Variants in PRKN observed in about 807,000 individuals in gnomAD.
PRKN encodes parkin RBR E3 ubiquitin protein ligase, also known as E3 ubiquitin-protein ligase parkin.
Under a neutral mutation model 59.5 loss-of-function variants are expected in PRKN, and 56 were observed. The ratio of observed to expected loss-of-function variants is 0.94; its 90% CI spans 0.76 to 1.18. The LOEUF (loss-of-function observed/expected upper bound fraction) is 1.18. Ranked by LOEUF, PRKN falls within the 50% of genes most tolerant of loss-of-function variation. The probability of loss-of-function intolerance (pLI) is 0.00; values close to 1 mark genes in which losing one functional copy is unlikely to be tolerated. For synonymous variants in PRKN, 250 were observed against 222.1 expected (o/e 1.13, Z -1.12); for missense variants, 657 against 596.4 (o/e 1.10, Z -1.06).
chr6:161,750,044 C>T (rs1334012687), intron 7 of PRKN, among the ~76,000 whole-genome samples: 1 of 151,414 alleles, frequency 6.6e-6, no homozygotes, highest in East Asian at 1.9e-4. Context: ...AGCAATACCA[C>T]TTGACTGGAT....
intron 6 of PRKN, among the ~76,000 whole-genome samples, chr6:161,820,130 C>CT (rs928338893): frequency 4.6e-5 from 7 of 152,082 alleles, no homozygotes; most frequent in East Asian, 3.9e-4. Context: ...GTAATTTAAA[C>CT]TTTTTTACCA....
chr6:162,244,495 T>C (rs1023852027), intron 3 of PRKN, among the ~76,000 whole-genome samples: 11 of 152,216 alleles, frequency 7.2e-5, no homozygotes, highest in South Asian at 4.1e-4. Context: ...AATTATTATA[T>C]AAAGTTTCTC....
chr6:162,444,200 A>C (rs984171471), intron 1 of PRKN, among the ~76,000 whole-genome samples: 5 of 151,586 alleles, frequency 3.3e-5, no homozygotes, highest in Admixed American at 6.6e-5. Flanking sequence ...TTTACTTTCC[A>C]TTCTTTCTCT....
chr6:161,716,988 A>G (rs1583047214), intron 7 of PRKN, among the ~76,000 whole-genome samples: 1 of 152,188 alleles, frequency 6.6e-6, no homozygotes, highest in Non-Finnish European at 1.5e-5. Context: ...TAACACGGGC[A>G]TGTGTTCTAA....
intron 6 of PRKN, among the ~76,000 whole-genome samples, chr6:161,864,630 T>TTTTG (rs201742637): frequency 2.0e-5 from 3 of 151,902 alleles, no homozygotes; most frequent in African/African-American, 4.8e-5. Context: ...CAAAAGGTGT[T>TTTTG]TTTGTTTGTT....
chr6:161,656,815 A>G (rs1022019417), intron 7 of PRKN, among the ~76,000 whole-genome samples: 4 of 152,132 alleles, frequency 2.6e-5, no homozygotes, highest in Non-Finnish European at 2.9e-5. Context: ...ATTTGTTCTC[A>G]TGTTTATTGT....
At chr6:162,515,734 T>G (rs1192343778) in intron 1 of PRKN, among the ~76,000 whole-genome samples, 1 of 152,160 alleles carries the variant, frequency 6.6e-6, no homozygotes, top group Non-Finnish European at 1.5e-5. Flanking sequence ...TCTCTAATTA[T>G]GTCTAAATGT....
intron 1 of PRKN, among the ~76,000 whole-genome samples, chr6:162,515,396 A>G (rs973326523): frequency 2.0e-5 from 3 of 151,772 alleles, no homozygotes; most frequent in Non-Finnish European, 4.4e-5. Context: ...ACTTATTGTT[A>G]CTTCTAATGG....
chr6:162,377,286 C>T (rs542820076), intron 2 of PRKN, among the ~76,000 whole-genome samples: 1 of 152,288 alleles, frequency 6.6e-6, no homozygotes, highest in African/African-American at 2.4e-5. Context: ...ACAGAATGTG[C>T]ATACAAATTC....
chr6:162,521,159 ATCAC>A (rs1397442273), intron 1 of PRKN, among the ~76,000 whole-genome samples: 3 of 152,204 alleles, frequency 2.0e-5, no homozygotes, highest in Non-Finnish European at 1.5e-5. Flanking sequence ...AATTGTCACT[ATCAC>A]TCACATCTTC....
intron 4 of PRKN, among the ~76,000 whole-genome samples, chr6:162,183,644 A>G (rs939511707): frequency 2.0e-5 from 3 of 152,200 alleles, no homozygotes; most frequent in African/African-American, 7.2e-5. Context: ...ATAAGTTGGG[A>G]AACTAACAAC....
chr6:162,463,623 A>C (rs1791275299), intron 1 of PRKN, among the ~76,000 whole-genome samples: 1 of 152,066 alleles, frequency 6.6e-6, no homozygotes, highest in South Asian at 2.1e-4. Context: ...TGGGGCCTGG[A>C]GATGTTGACA....
chr6:162,631,139 T>C (rs1223557712), intron 1 of PRKN, among the ~76,000 whole-genome samples: 1 of 152,176 alleles, frequency 6.6e-6, no homozygotes, highest in Non-Finnish European at 1.5e-5. Flanking sequence ...GGTCATCTAC[T>C]GTGTACAATG....
chr6:162,251,623 C>T (rs889750756), intron 3 of PRKN, among the ~76,000 whole-genome samples: 1 of 152,180 alleles, frequency 6.6e-6, no homozygotes, highest in Non-Finnish European at 1.5e-5. Flanking sequence ...AAATAAGTCA[C>T]AATCCCATCA....
chr6:161,583,997 T>C (rs1583259976), intron 7 of PRKN, among the ~76,000 whole-genome samples: 1 of 152,252 alleles, frequency 6.6e-6, no homozygotes, highest in South Asian at 2.1e-4. Flanking sequence ...GCCAAAACAC[T>C]CTTCAGAATT....
At chr6:161,389,035 T>C (rs1786388994) in intron 9 of PRKN, among the ~76,000 whole-genome samples, 1 of 151,336 alleles carries the variant, frequency 6.6e-6, no homozygotes, top group Non-Finnish European at 1.5e-5. Flanking sequence ...CAAACTAATA[T>C]TTTATAGTAT....
Position 161,683,897 on chromosome 6 carries a change from C to T in PRKN, c.871+101875G>A, listed in dbSNP as rs77232417. Among the ~76,000 whole-genome samples the T allele has an allele frequency of 9.6e-3, 1,467 of 152,130 alleles. 29 individuals are homozygous for T. Among genetic ancestry groups the T allele is most frequent in the African/African-American group, 0.034 (1,406 of 41,498 alleles). On this transcript the variant is annotated intron_variant, in intron 7 of 11. Coordinates refer to ENST00000366898, the MANE Select transcript of PRKN (RefSeq NM_004562.3). ...ATGATTTAAATGAGAGAATATAGGG[C>T]TCTGAAATTTAAAAACTGACAAAGG...
chr6:161,738,801 T>G (rs1351630693), intron 7 of PRKN, among the ~76,000 whole-genome samples: 2 of 152,176 alleles, frequency 1.3e-5, no homozygotes, highest in African/African-American at 4.8e-5. Context: ...AAGTCAAATG[T>G]GAGTGCTGGC....
At chr6:162,446,963 T>C (rs1031581447) in intron 1 of PRKN, among the ~76,000 whole-genome samples, 1 of 152,210 alleles carries the variant, frequency 6.6e-6, no homozygotes, top group Non-Finnish European at 1.5e-5. Context: ...ATTTGAATGC[T>C]GGTTGTAACG....
Sources: gnomAD v4.1 joint callset for allele counts (sites outside exome capture counted in the v4.1 genomes callset) on GRCh38, gnomAD v4.1.1 for gene constraint, MANE v1.5 for transcripts, NCBI Gene and HGNC (gene_info 2026-07-23, HGNC 2026-07-21) for gene names.